Variants in ZNF716 observed in about 807,000 individuals in gnomAD.
The protein encoded by ZNF716 is zinc finger protein 716.
Under a neutral mutation model 13.4 loss-of-function variants are expected in ZNF716, and 9 were observed. The ratio of observed to expected loss-of-function variants is 0.67; its 90% CI spans 0.41 to 1.18. The LOEUF (loss-of-function observed/expected upper bound fraction) is 1.18, where lower values mean the gene tolerates loss of function less well. Among genes scored for constraint, ZNF716 ranks in the 50% most tolerant of loss-of-function variants. ZNF716 has a pLI of 0.01. For synonymous variants in ZNF716, 186 were observed against 195.2 expected (o/e 0.95, Z 0.39); for missense variants, 581 against 576.6 (o/e 1.01, Z -0.08).
chr7:57,452,692 A>G (rs1789518664), intron 1 of ZNF716, among the ~76,000 whole-genome samples: 1 of 152,066 alleles, frequency 6.6e-6, no homozygotes, highest in African/African-American at 2.4e-5. Flanking sequence ...ATTGTAAAAA[A>G]TCTCTGTGCC....
chr7:57,464,826 G>A (rs1789777333), intron 3 of ZNF716, among the ~76,000 whole-genome samples: 3 of 152,020 alleles, frequency 2.0e-5, no homozygotes, highest in South Asian at 4.1e-4. Context: ...GTCTGTTGAA[G>A]GGATTTTATT....
At chr7:57,452,025 C>G (rs1004068616) in intron 1 of ZNF716, among the ~76,000 whole-genome samples, 1 of 151,748 alleles carries the variant, frequency 6.6e-6, no homozygotes, top group Non-Finnish European at 1.5e-5. Context: ...TCTTGGCCTC[C>G]CAAAGTGCTG....
chr7:57,464,115 C>CT (rs782745508), intron 3 of ZNF716, among the ~76,000 whole-genome samples: 26 of 110,248 alleles, frequency 2.4e-4, no homozygotes, highest in Admixed American at 3.4e-4. Flanking sequence ...TTGTCCATTT[C>CT]TTTTTTCTTT....
rs782654222 is a variant in ZNF716, at chr7:57,469,466, A to T, written c.1005A>T (p.Leu335Phe). The T allele has an allele frequency of 6.2e-7, 1 of 1,612,668 alleles. No individual in the cohort carries two copies. The highest frequency in any genetic ancestry group is 2.2e-5 in the East Asian group (1 of 44,762). The change falls in exon 4 of 4, where the codon TTA (leucine) becomes TTT (phenylalanine). Residue 335 changes from leucine (L) to phenylalanine (F), a missense_variant. By Grantham distance (22) the Leu-to-Phe change is conservative. Transcript: ENST00000420713. The part of the protein sequence containing the change: ...KCEECGKAFS[L>F]SSTLKKHKIV... ...AAGAATGTGGCAAAGCCTTTAGCTT[A>T]TCCTCAACCCTTAAGAAACATAAGA...
rs1489452369 is a variant in ZNF716, at chr7:57,469,428, C to A, written c.967C>A (p.Pro323Thr). The A allele has an allele frequency of 1.9e-6, 3 of 1,613,620 alleles. No homozygotes were observed. The highest frequency in any genetic ancestry group is 1.3e-5 in the African/African-American group (1 of 74,862). ...NHKRIHTGER[P>T]YKCEECGKAF... ...CAAGAGAATTCATACTGGAGAGAGA[C>A]CCTACAAATGTGAAGAATGTGGCAA... The change falls in exon 4 of 4, where the codon CCC becomes ACC. Residue 323 changes from proline to threonine, a missense_variant. Pro to Thr is a conservative substitution (Grantham distance 38). Coordinates refer to ENST00000420713, the MANE Select transcript of ZNF716 (RefSeq NM_001159279.1).
At chr7:57,462,051 T>G (rs2116415264) in intron 1 of ZNF716, among the ~76,000 whole-genome samples, 1 of 151,856 alleles carries the variant, frequency 6.6e-6, no homozygotes, top group Non-Finnish European at 1.5e-5. Context: ...TCCCAGCTAC[T>G]CAGGAGGCTG....
rs1270654749 is a variant in ZNF716 at position 57,471,488 on chromosome 7, A to G, written c.*1539A>G. On this transcript the variant is annotated 3_prime_UTR_variant, in exon 4 of 4. Coordinates refer to ENST00000420713, the MANE Select transcript of ZNF716 (RefSeq NM_001159279.1). Reference sequence around the variant, plus strand: ...GAAAACATAGGCCTTTAAAGCAAAGACTATTTATTCTAAAGACAAACATTA... The same window carrying G: ...GAAAACATAGGCCTTTAAAGCAAAGGCTATTTATTCTAAAGACAAACATTA... The G allele has an allele frequency of 6.6e-6, 1 of 152,032 alleles. No homozygotes were observed. The highest frequency in any genetic ancestry group is 1.5e-5 in the Non-Finnish European group (1 of 67,984). The allele number at this position is 152,032 out of a possible 1,614,324, so 9.4% of individuals were successfully genotyped here.
In ZNF716 at chr7:57,468,707, A is replaced by G; in HGVS notation, c.263-17A>G. ...AGTGTAGTAAGTGGAGAAACTTGTG[A>G]TTTTTATGTCTTTCAGTTACATGTT... is the stretch of plus-strand genomic sequence containing the variant. On this transcript the variant is annotated splice_polypyrimidine_tract_variant and intron_variant, in intron 3 of 3. Transcript: ENST00000420713. The G allele has an allele frequency of 1.9e-6, 3 of 1,583,986 alleles. No individual in the cohort carries two copies. The highest frequency in any genetic ancestry group is 2.6e-6 in the Non-Finnish European group (3 of 1,171,394).
At chr7:57,459,904 C>T (rs1249451225) in intron 1 of ZNF716, among the ~76,000 whole-genome samples, 1 of 152,118 alleles carries the variant, frequency 6.6e-6, no homozygotes, top group Non-Finnish European at 1.5e-5. Context: ...TGAATGTTTT[C>T]TGCAAGTCTC....
In ZNF716 at chr7:57,471,654, G is replaced by T. The variant is rs1789940452; in HGVS notation, c.*1705G>T. The stretch of plus-strand genomic sequence containing the variant: ...TTTATATTGGAGAGAAAGTGTAAAT[G>T]AATGTCAAAAAATATTTGTTCAAAA... On this transcript the variant is annotated 3_prime_UTR_variant, in exon 4 of 4. Transcript: ENST00000420713. 6.6e-6 allele frequency: 1 copy of T among 152,120 alleles called. No homozygotes were observed. Among genetic ancestry groups the T allele is most frequent in the African/African-American group, 2.4e-5 (1 of 41,434 alleles). 9.4% of individuals were successfully genotyped at this position (152,120 alleles called of 1,614,324 possible). A position where few individuals can be genotyped will look rare whatever the true frequency, so the allele number is the denominator to read the frequency against.
chr7:57,472,884 T>G lies in ZNF716; in HGVS notation c.*2935T>G, dbSNP rs1293533243. On this transcript the variant is annotated 3_prime_UTR_variant, in exon 4 of 4. Transcript: ENST00000420713. ...TTTGTGGGTAGTGTGCATACACACT[T>G]ATGGCATATATGAGATATGTTAACA... 6.6e-6 allele frequency: 1 copy of G among 152,184 alleles called. No homozygotes were observed. The highest frequency in any genetic ancestry group is 1.5e-5 in the Non-Finnish European group (1 of 68,040). 9.4% of individuals were successfully genotyped at this position (152,184 alleles called of 1,614,324 possible).
intron 1 of ZNF716, among the ~76,000 whole-genome samples, chr7:57,460,035 G>A (rs1851774): frequency 6.6e-6 from 1 of 151,678 alleles, no homozygotes. Context: ...TGCATTTCAG[G>A]GAAAGAGGAG....
Position 57,469,282 on chromosome 7 carries a change from G to A in ZNF716, c.821G>A (p.Arg274His), listed in dbSNP as rs782303620. 3.1e-5 allele frequency: 50 copies of A among 1,588,314 alleles called. No homozygotes were observed. Among genetic ancestry groups the A allele is most frequent in the Non-Finnish European group, 3.8e-5 (44 of 1,165,072 alleles). The part of the protein sequence containing the change: ...TGEKPYTCEE[R>H]GKVFSRSTLT... ...GAGAAACCTTACACATGTGAAGAAC[G>A]TGGCAAAGTCTTTAGCCGCTCAACA... is the stretch of plus-strand genomic sequence containing the variant. Residue 274 changes from arginine to histidine, a missense_variant, in exon 4 of 4, where the codon CGT (arginine) becomes CAT (histidine). Arg to His is a conservative substitution (Grantham distance 29). Coordinates refer to ENST00000420713, the MANE Select transcript of ZNF716 (RefSeq NM_001159279.1).
chr7:57,463,367 G>A (rs1436062406), intron 3 of ZNF716, among the ~76,000 whole-genome samples, 199 bp downstream of exon 3: 17 of 152,112 alleles, frequency 1.1e-4, no homozygotes, highest in Non-Finnish European at 1.5e-5. Context: ...TTCTACTTTC[G>A]GTTTAGTATT....
chr7:57,461,372 G>T (rs1469242522), intron 1 of ZNF716, among the ~76,000 whole-genome samples: 1 of 152,154 alleles, frequency 6.6e-6, no homozygotes, highest in Non-Finnish European at 1.5e-5. Context: ...TAATAAAAAT[G>T]TGTCCCAGTA....
Position 57,470,003 on chromosome 7 carries a change from A to G in ZNF716, c.*54A>G. ...TAATACATAAAATAATTTATACTGG[A>G]AAAAATCACTACAAGTGTGGAGAAT... On this transcript the variant is annotated 3_prime_UTR_variant, in exon 4 of 4. Transcript: ENST00000420713. 6.9e-7 allele frequency: 1 copy of G among 1,446,182 alleles called. No individual in the cohort carries two copies. The highest frequency in any genetic ancestry group is 9.2e-7 in the Non-Finnish European group (1 of 1,091,478). The allele number at this position is 1,446,182 out of a possible 1,614,324, so 89.6% of individuals were successfully genotyped here.
At chr7:57,465,221 A>G (rs1254228465) in intron 3 of ZNF716, among the ~76,000 whole-genome samples, 5 of 152,238 alleles carry the variant, frequency 3.3e-5, no homozygotes, top group African/African-American at 4.8e-5. Flanking sequence ...AATTAAATTG[A>G]CATATTTAAC....
rs527384343 is a variant in ZNF716, at chr7:57,468,698, A to G, written c.263-26A>G. The G allele has an allele frequency of 2.0e-5, 32 of 1,579,730 alleles. No individual in the cohort carries two copies. In the East Asian group the frequency reaches 6.7e-4, roughly 33 times the overall value. On this transcript the variant is annotated intron_variant, in intron 3 of 3. Transcript: ENST00000420713. ...ATTTATCTGAGTGTAGTAAGTGGAGAAACTTGTGATTTTTATGTCTTTCAG... is the reference window on the plus strand; with the variant it reads ...ATTTATCTGAGTGTAGTAAGTGGAGGAACTTGTGATTTTTATGTCTTTCAG...
intron 3 of ZNF716, among the ~76,000 whole-genome samples, chr7:57,464,886 C>T (rs1413079530): frequency 6.6e-6 from 1 of 152,128 alleles, no homozygotes; most frequent in African/African-American, 2.4e-5. Context: ...TTTGGTCATA[C>T]ACAGAAGAGT....
Sources: gnomAD v4.1 joint callset for allele counts (sites outside exome capture counted in the v4.1 genomes callset) on GRCh38, gnomAD v4.1.1 for gene constraint, MANE v1.5 for transcripts, NCBI Gene and HGNC (gene_info 2026-07-23, HGNC 2026-07-21) for gene names.